Variants in CDK14 observed in about 807,000 individuals in gnomAD.
The protein encoded by CDK14 is cyclin-dependent kinase 14.
CDK14 carries 34 observed loss-of-function variants against 60.7 expected under a neutral mutation model. The observed-to-expected ratio is 0.56, with a 90% confidence interval of 0.43 to 0.75. The LOEUF is 0.75. Ranked by LOEUF, CDK14 falls within the 30% of genes least tolerant of loss-of-function variation. The probability of loss-of-function intolerance (pLI) is 0.00; values close to 1 mark genes in which losing one functional copy is unlikely to be tolerated. For missense variants in CDK14, 482 were observed against 564.1 expected, an observed-to-expected ratio of 0.85 and a Z score of 1.47; for synonymous variants, 197 against 203.7, an observed-to-expected ratio of 0.97 and a Z score of 0.28.
At chr7:90,797,645 A>T (rs1398082765) in intron 5 of CDK14, among the ~76,000 whole-genome samples, 1 of 151,998 alleles carries the variant, frequency 6.6e-6, no homozygotes, top group Non-Finnish European at 1.5e-5. Context: ...ATGGTTCTGC[A>T]GGCTGTACCA....
intron 8 of CDK14, among the ~76,000 whole-genome samples, chr7:90,925,450 G>T (rs911914972): frequency 6.6e-6 from 1 of 152,228 alleles, no homozygotes; most frequent in East Asian, 1.9e-4. Context: ...AACGATGGAA[G>T]ATTTCAAGAT....
intron 10 of CDK14, among the ~76,000 whole-genome samples, chr7:91,009,906 T>G (rs1796100591): frequency 6.6e-6 from 1 of 152,104 alleles, no homozygotes; most frequent in Non-Finnish European, 1.5e-5. Flanking sequence ...GTTTTATAGT[T>G]TTAGGTTTTA....
At chr7:91,033,479 C>T (rs1381508611) in intron 10 of CDK14, among the ~76,000 whole-genome samples, 3 of 152,206 alleles carry the variant, frequency 2.0e-5, no homozygotes, top group African/African-American at 7.2e-5. Context: ...TAAAGCAGTA[C>T]TTCTCAAACT....
At chr7:91,121,532 A>G (rs956658313) in intron 14 of CDK14, among the ~76,000 whole-genome samples, 7 of 152,206 alleles carry the variant, frequency 4.6e-5, no homozygotes, top group African/African-American at 1.2e-4. Context: ...GGTCACTTCA[A>G]TTATTTAGTT....
chr7:90,603,094 A>G (rs978503998), intron 1 of CDK14, among the ~76,000 whole-genome samples: 4 of 152,214 alleles, frequency 2.6e-5, no homozygotes, highest in Non-Finnish European at 5.9e-5. Context: ...TATCCAGACT[A>G]AATCATGTAT....
intron 5 of CDK14, among the ~76,000 whole-genome samples, chr7:90,806,888 G>T (rs1201038749): frequency 1.3e-5 from 2 of 152,192 alleles, no homozygotes; most frequent in Non-Finnish European, 2.9e-5. Context: ...GCAGTCTGAG[G>T]TCAAACTGCA....
At chr7:91,003,031 C>T (rs1001907117) in intron 10 of CDK14, among the ~76,000 whole-genome samples, 1 of 152,134 alleles carries the variant, frequency 6.6e-6, no homozygotes, top group Admixed American at 6.5e-5. Flanking sequence ...GAGATCACGC[C>T]ACTGCACTCC....
intron 4 of CDK14, among the ~76,000 whole-genome samples, chr7:90,786,016 C>G (rs1805568298): frequency 1.3e-5 from 2 of 152,166 alleles, no homozygotes; most frequent in Admixed American, 1.3e-4. Flanking sequence ...GATATTCTCC[C>G]CACTCCTGCC....
chr7:91,182,394 CTTTTACATTT>C (rs1802032517), intron 14 of CDK14, among the ~76,000 whole-genome samples: 1 of 151,680 alleles, frequency 6.6e-6, no homozygotes, highest in African/African-American at 2.4e-5. Flanking sequence ...TTAGGATTGC[CTTTTACATTT>C]TTTTGTTTAA....
chr7:90,616,139 A>G (rs1282603309), intron 2 of CDK14, among the ~76,000 whole-genome samples: 5 of 152,178 alleles, frequency 3.3e-5, no homozygotes, highest in African/African-American at 1.2e-4. Context: ...ATTTATTAAT[A>G]TCAAATTCAT....
chr7:91,201,758 C>T (rs562947436), intron 14 of CDK14, among the ~76,000 whole-genome samples: 3 of 152,230 alleles, frequency 2.0e-5, no homozygotes, highest in Admixed American at 6.5e-5. Context: ...GAGCCTGGCT[C>T]GTTTTTAATT....
At chr7:90,915,089 G>A (rs1228588491) in intron 7 of CDK14, among the ~76,000 whole-genome samples, 1 of 152,122 alleles carries the variant, frequency 6.6e-6, no homozygotes, top group Non-Finnish European at 1.5e-5. Context: ...CAGTTCCTGA[G>A]GAGAGACCTA....
At chr7:91,135,360 A>C (rs1012378336) in intron 14 of CDK14, among the ~76,000 whole-genome samples, 3 of 152,204 alleles carry the variant, frequency 2.0e-5, no homozygotes, top group African/African-American at 7.2e-5. Flanking sequence ...AGTTAATTAC[A>C]AGTAAATGAG....
At chr7:90,639,853 C>T (rs1328745284) in intron 2 of CDK14, among the ~76,000 whole-genome samples, 1 of 152,156 alleles carries the variant, frequency 6.6e-6, no homozygotes, top group African/African-American at 2.4e-5. Flanking sequence ...CTGGCTGCTA[C>T]CTTGCAGTTT....
intron 2 of CDK14, among the ~76,000 whole-genome samples, chr7:90,625,851 G>A (rs1169405233): frequency 1.3e-5 from 2 of 152,226 alleles, no homozygotes; most frequent in Non-Finnish European, 2.9e-5. Context: ...CGTACTCGTA[G>A]TCTTATTCCC....
Position 90,997,310 on chromosome 7 carries a change from A to C in CDK14, c.1041+13069A>C, listed in dbSNP as rs1795714737. ...GACATGGCTTAGATATTGACTTGTG[A>C]TGACAGAATTATTGCAGAGGCCAAG... On this transcript the variant is annotated intron_variant, in intron 10 of 14. Transcript: ENST00000380050. 4.6e-5 allele frequency among the ~76,000 whole-genome samples: 7 copies of C among 152,360 alleles called. No homozygotes were observed. In the South Asian group the frequency reaches 1.4e-3, roughly 32 times the overall value.
chr7:90,810,703 A>G (rs576346192), intron 5 of CDK14, among the ~76,000 whole-genome samples: 3 of 152,196 alleles, frequency 2.0e-5, no homozygotes, highest in Middle Eastern at 3.4e-3. Flanking sequence ...ACATGATTGT[A>G]TATCTAGAAA....
intron 14 of CDK14, among the ~76,000 whole-genome samples, chr7:91,180,143 G>C (rs886074558): frequency 1.3e-5 from 2 of 152,234 alleles, no homozygotes; most frequent in African/African-American, 4.8e-5. Flanking sequence ...TGTCAGCTGA[G>C]GTGCAGAAGC....
At chr7:91,097,804 T>C (rs944971078) in intron 12 of CDK14, among the ~76,000 whole-genome samples, 1 of 152,168 alleles carries the variant, frequency 6.6e-6, no homozygotes, top group Non-Finnish European at 1.5e-5. Flanking sequence ...GGAGATCACA[T>C]GTGAAAAACA....
Sources: allele counts gnomAD v4.1 joint callset (sites outside exome capture counted in the v4.1 genomes callset), GRCh38; gene constraint gnomAD v4.1.1; transcripts MANE v1.5; gene names NCBI Gene and HGNC (gene_info 2026-07-23, HGNC 2026-07-21).